Variants in GLRA2 observed in about 807,000 individuals in gnomAD.
GLRA2 encodes the protein glycine receptor subunit alpha-2.
In GLRA2, 11 loss-of-function variants were observed where a neutral mutation model predicts 31.6. That is an observed-to-expected ratio of 0.35 (90% confidence interval 0.22 to 0.58). GLRA2 has a LOEUF of 0.58. Ranked by LOEUF, GLRA2 falls within the 20% of genes least tolerant of loss-of-function variation. The pLI is 0.84. For synonymous variants in GLRA2, 132 were observed against 134.0 expected (o/e 0.99, Z 0.10); for missense variants, 212 against 351.8 (o/e 0.60, Z 3.18).
chrX:14,720,536 C>T (rs901448681), intron 8 of GLRA2, among the ~76,000 whole-genome samples: 1 of 111,265 alleles, frequency 9.0e-6, no homozygotes, highest in Non-Finnish European at 1.9e-5. Context: ...ATAGGGGGAA[C>T]AAGAGGCACA....
At chrX:14,523,669 C>T in the GLRA2 span, among the ~76,000 whole-genome samples, 3 of 111,138 alleles carry the variant, frequency 2.7e-5, no homozygotes, top group African/African-American at 6.6e-5. Context: ...TGTTGTGTCT[C>T]AGGGAATAGG....
chrX:14,535,680 T>G (rs1203490667), intron 2 of GLRA2, among the ~76,000 whole-genome samples: 1 of 112,566 alleles, frequency 8.9e-6, no homozygotes, highest in African/African-American at 3.2e-5. Context: ...TACCTGGTTC[T>G]GAAACCATGG....
chrX:14,682,796 C>T (rs758690220), intron 7 of GLRA2, among the ~76,000 whole-genome samples: 1 of 105,087 alleles, frequency 9.5e-6, no homozygotes, highest in East Asian at 3.1e-4. Flanking sequence ...TGAGAATATG[C>T]GGTGTTTGGT....
At chrX:14,543,143 C>T (rs1298652010) in intron 2 of GLRA2, among the ~76,000 whole-genome samples, 1 of 102,274 alleles carries the variant, frequency 9.8e-6, no homozygotes, top group Non-Finnish European at 2.0e-5. Context: ...ATATCTAAAT[C>T]GAGACTCATG....
intron 7 of GLRA2, among the ~76,000 whole-genome samples, chrX:14,663,424 T>A (rs2091010400): frequency 9.0e-6 from 1 of 110,718 alleles, no homozygotes; most frequent in Non-Finnish European, 1.9e-5. Context: ...GATGCTAATT[T>A]GTTTTGTCAA....
At chrX:14,690,514 T>A (rs1415999572) in intron 7 of GLRA2, among the ~76,000 whole-genome samples, 196 bp from the exon 8 acceptor site, 1 of 112,122 alleles carries the variant, frequency 8.9e-6, no homozygotes, top group Non-Finnish European at 1.9e-5. Context: ...CTTTCAGTGC[T>A]CTGCCCAGAA....
intron 7 of GLRA2, among the ~76,000 whole-genome samples, chrX:14,656,030 G>C (rs2090936450): frequency 8.9e-6 from 1 of 112,078 alleles, no homozygotes; most frequent in East Asian, 2.8e-4. Flanking sequence ...TAGGATCTCA[G>C]TCCCTGTCCC....
intron 4 of GLRA2, among the ~76,000 whole-genome samples, chrX:14,600,905 GAA>G (rs745478028): frequency 9.1e-6 from 1 of 109,313 alleles, no homozygotes; most frequent in Non-Finnish European, 1.9e-5. Context: ...TTGAAAAATA[GAA>G]AAAAAATAGA....
the GLRA2 span, among the ~76,000 whole-genome samples, chrX:14,506,333 CT>C: frequency 9.0e-6 from 1 of 111,065 alleles, no homozygotes. Flanking sequence ...TCCTCAGAGA[CT>C]TTTTTTTCTT....
intron 4 of GLRA2, among the ~76,000 whole-genome samples, chrX:14,595,229 C>T (rs1180070597): frequency 1.8e-5 from 2 of 111,717 alleles, no homozygotes; most frequent in Admixed American, 9.6e-5. Flanking sequence ...AGTAACAGTA[C>T]TTGAAACACA....
intron 2 of GLRA2, among the ~76,000 whole-genome samples, chrX:14,544,568 T>C (rs769668187): frequency 8.9e-6 from 1 of 111,762 alleles, no homozygotes; most frequent in Non-Finnish European, 1.9e-5. Context: ...ATTGAAATTA[T>C]GCAATATTTA....
intron 4 of GLRA2, among the ~76,000 whole-genome samples, chrX:14,600,113 G>T (rs768070483): frequency 9.0e-6 from 1 of 111,334 alleles, no homozygotes; most frequent in Non-Finnish European, 1.9e-5. Context: ...ATGCTTGTTA[G>T]GTATTTCTCT....
chrX:14,580,909 A>G (rs1601731801), intron 3 of GLRA2, among the ~76,000 whole-genome samples: 1 of 111,696 alleles, frequency 9.0e-6, no homozygotes, highest in East Asian at 2.8e-4. Flanking sequence ...CTTTAGTATT[A>G]TTTCATCCCA....
chrX:14,553,948 T>C (rs141518454), intron 2 of GLRA2, among the ~76,000 whole-genome samples: 183 of 112,217 alleles, frequency 1.6e-3, no homozygotes, highest in African/African-American at 5.7e-3. Context: ...TCATCCAGCA[T>C]ATTACTTACA....
intron 7 of GLRA2, among the ~76,000 whole-genome samples, chrX:14,688,878 G>A (rs770419018): frequency 3.6e-5 from 4 of 111,387 alleles, no homozygotes; most frequent in South Asian, 3.8e-4. Flanking sequence ...GAAATCCCTC[G>A]TCTTCTGCGT....
At chrX:14,459,526 G>C in the GLRA2 span, among the ~76,000 whole-genome samples, 3 of 110,722 alleles carry the variant, frequency 2.7e-5, no homozygotes, top group South Asian at 3.9e-4. Flanking sequence ...TCTTCCATTT[G>C]TTTGTATCCT....
At chrX:14,478,523 A>G in the GLRA2 span, among the ~76,000 whole-genome samples, 8 of 112,045 alleles carry the variant, frequency 7.1e-5, no homozygotes, top group African/African-American at 2.3e-4. Context: ...ATACAATGTT[A>G]CATTTTTATC....
At chrX:14,691,318 T>C (rs867103521) in intron 8 of GLRA2, among the ~76,000 whole-genome samples, 108 of 64,265 alleles carry the variant, frequency 1.7e-3, no homozygotes, top group African/African-American at 4.4e-3. Context: ...TGTGTGTGTG[T>C]GTGTGTGCGC....
chrX:14,571,922 G>GGAATCAGAATCA (rs2089890415), intron 2 of GLRA2, among the ~76,000 whole-genome samples: 1 of 111,522 alleles, frequency 9.0e-6, no homozygotes, highest in Admixed American at 9.5e-5. Context: ...TTAGGTTTTT[G>GGAATCAGAATCA]GAATCAGAAT....
Sources: gnomAD v4.1 joint callset for allele counts (sites outside exome capture counted in the v4.1 genomes callset) on GRCh38, gnomAD v4.1.1 for gene constraint, MANE v1.5 for transcripts, NCBI Gene and HGNC (gene_info 2026-07-23, HGNC 2026-07-21) for gene names.